Variants in SLC39A11 observed in about 807,000 individuals in gnomAD.
SLC39A11 encodes the protein solute carrier family 39 member 11, also known as zinc transporter ZIP11.
In SLC39A11, 33 loss-of-function variants were observed where a neutral mutation model predicts 36.1. That is an observed-to-expected ratio of 0.91 (90% CI 0.69 to 1.22). The LOEUF is 1.22. Among genes scored for constraint, SLC39A11 ranks in the 50% most tolerant of loss-of-function variants. The probability of loss-of-function intolerance (pLI) is 0.00; values close to 1 mark genes in which losing one functional copy is unlikely to be tolerated. For synonymous variants in SLC39A11, 166 were observed against 170.3 expected, an observed-to-expected ratio of 0.97 and a Z score of 0.20; for missense variants, 432 against 430.3, an observed-to-expected ratio of 1.00 and a Z score of -0.03.
chr17:72,992,087 C>A (rs982901076), intron 4 of SLC39A11, among the ~76,000 whole-genome samples: 5 of 152,160 alleles, frequency 3.3e-5, no homozygotes, highest in Non-Finnish European at 7.3e-5. Flanking sequence ...AGTGGCGGCT[C>A]ACACCTGTAA....
chr17:72,735,672 C>G (rs371876972), intron 7 of SLC39A11, among the ~76,000 whole-genome samples: 191 of 152,310 alleles, frequency 1.3e-3, no homozygotes, highest in African/African-American at 4.4e-3. Context: ...CTGTCTCCAC[C>G]CATTTTGATG....
At chr17:73,020,217 G>A (rs924259441) in intron 4 of SLC39A11, among the ~76,000 whole-genome samples, 1 of 152,186 alleles carries the variant, frequency 6.6e-6, no homozygotes, top group Admixed American at 6.5e-5. Flanking sequence ...TCATTTGTTG[G>A]AGCACTAGCC....
At chr17:72,827,251 C>A (rs1389904253) in intron 6 of SLC39A11, among the ~76,000 whole-genome samples, 1 of 152,128 alleles carries the variant, frequency 6.6e-6, no homozygotes, top group Non-Finnish European at 1.5e-5. Flanking sequence ...AGGCCACATA[C>A]TATATGATTT....
intron 5 of SLC39A11, among the ~76,000 whole-genome samples, chr17:72,937,985 T>C (rs1296882035): frequency 6.6e-6 from 1 of 152,228 alleles, no homozygotes. Flanking sequence ...AGAGAGTGAA[T>C]TCTGTTTCAG....
At chr17:72,820,235 C>A (rs2077720763) in intron 6 of SLC39A11, among the ~76,000 whole-genome samples, 1 of 151,200 alleles carries the variant, frequency 6.6e-6, no homozygotes. Flanking sequence ...GGAAAATGAT[C>A]TTTGACTATT....
intron 6 of SLC39A11, among the ~76,000 whole-genome samples, chr17:72,748,954 C>T (rs545557546): frequency 3.9e-5 from 6 of 152,318 alleles, no homozygotes; most frequent in African/African-American, 1.2e-4. Context: ...GTCTACCCTC[C>T]GGGCCTCTTT....
At chr17:72,660,316 C>T (rs535445585) in intron 7 of SLC39A11, among the ~76,000 whole-genome samples, 1 of 152,334 alleles carries the variant, frequency 6.6e-6, no homozygotes, top group Admixed American at 6.5e-5. Flanking sequence ...ATAACCACTG[C>T]TGTTATTTAT....
At chr17:72,880,839 G>A (rs56832274) in intron 5 of SLC39A11, among the ~76,000 whole-genome samples, 8 of 150,600 alleles carry the variant, frequency 5.3e-5, no homozygotes, top group African/African-American at 1.2e-4. Flanking sequence ...CCGCCACCAC[G>A]CCCGGCTAAT....
intron 6 of SLC39A11, among the ~76,000 whole-genome samples, chr17:72,799,711 G>A (rs1005116695): frequency 3.9e-5 from 6 of 151,944 alleles, no homozygotes; most frequent in Non-Finnish European, 8.8e-5. Flanking sequence ...TTTGTGGTCA[G>A]ACCGGTTCTC....
intron 6 of SLC39A11, among the ~76,000 whole-genome samples, chr17:72,748,647 T>C (rs537117703): frequency 1.3e-5 from 2 of 152,330 alleles, no homozygotes; most frequent in African/African-American, 4.8e-5. Flanking sequence ...AGGCATCTGG[T>C]TAAACACCCA....
chr17:73,008,487 A>C (rs1292033745), intron 4 of SLC39A11, among the ~76,000 whole-genome samples: 1 of 152,190 alleles, frequency 6.6e-6, no homozygotes, highest in Non-Finnish European at 1.5e-5. Context: ...AGCTTCACAC[A>C]TGTGGCTCCA....
At position 72,703,086 on chromosome 17, in the gene SLC39A11, C is replaced by T. The variant is rs529233654; in HGVS notation, c.671+33564G>A. Among the ~76,000 whole-genome samples, 155 of 152,172 alleles carry T rather than the reference C, an allele frequency of 1.0e-3. 1 individual carries two copies. The highest frequency in any genetic ancestry group is 1.9e-3 in the Non-Finnish European group (130 of 68,012). ...CCCCATCACCAGACACCAGAGCTGT[C>T]GGTTGGCAGGTCTTCATCTGTCTGC... On this transcript the variant is annotated intron_variant, in intron 7 of 9. Coordinates refer to ENST00000255559, the MANE Select transcript of SLC39A11 (RefSeq NM_139177.4).
chr17:72,844,222 G>T (rs1253289400), intron 6 of SLC39A11, among the ~76,000 whole-genome samples: 1 of 152,174 alleles, frequency 6.6e-6, no homozygotes, highest in Non-Finnish European at 1.5e-5. Context: ...ACATGAAGCT[G>T]CTTGACAGTG....
intron 5 of SLC39A11, among the ~76,000 whole-genome samples, chr17:72,924,178 T>A (rs968911196): frequency 5.5e-4 from 81 of 146,440 alleles, no homozygotes; most frequent in African/African-American, 2.0e-3. Context: ...TTTTTTTTTT[T>A]AAGGAAAGAT....
intron 7 of SLC39A11, among the ~76,000 whole-genome samples, chr17:72,660,406 C>T (rs975690830): frequency 5.3e-5 from 8 of 152,226 alleles, no homozygotes; most frequent in African/African-American, 1.9e-4. Flanking sequence ...ACCTCATGAG[C>T]AGCTTTCACC....
Position 73,027,876 on chromosome 17 carries a change from A to G in SLC39A11, c.306+3680T>C, listed in dbSNP as rs2148649686. 1.3e-5 allele frequency among the ~76,000 whole-genome samples: 2 copies of G among 152,260 alleles called. 1 individual carries two copies. Among genetic ancestry groups the G allele is most frequent in the South Asian group, 4.1e-4 (2 of 4,822 alleles). On this transcript the variant is annotated intron_variant, in intron 4 of 9. Transcript: ENST00000255559. ...ATCGCTGCCTTTTCCAGACTTCCGC[A>G]TCTCCTTATTTCTCCAGGTGAAATA...
intron 6 of SLC39A11, among the ~76,000 whole-genome samples, chr17:72,846,022 T>C (rs1012997305): frequency 7.0e-5 from 4 of 56,790 alleles, no homozygotes; most frequent in East Asian, 1.5e-3. Context: ...CTCTCTCTTT[T>C]TTTTTTTTTT....
At chr17:72,852,730 C>T (rs1345848207) in intron 5 of SLC39A11, among the ~76,000 whole-genome samples, 1 of 152,138 alleles carries the variant, frequency 6.6e-6, no homozygotes, top group Non-Finnish European at 1.5e-5. Context: ...TTTGAGTAGA[C>T]AATATGTAGA....
At chr17:72,981,693 C>CT (rs2088325709) in intron 4 of SLC39A11, among the ~76,000 whole-genome samples, 1 of 150,084 alleles carries the variant, frequency 6.7e-6, no homozygotes, top group East Asian at 1.9e-4. Context: ...TCAAAAAAGA[C>CT]TAAGTTCAAA....
Sources: gnomAD v4.1 joint callset for allele counts (sites outside exome capture counted in the v4.1 genomes callset) on GRCh38, gnomAD v4.1.1 for gene constraint, MANE v1.5 for transcripts, NCBI Gene and HGNC (gene_info 2026-07-23, HGNC 2026-07-21) for gene names.